The following PIEZO2 variants were observed in gnomAD, a reference collection of about 807,000 sequenced individuals.
PIEZO2 encodes piezo-type mechanosensitive ion channel component 2.
A neutral mutation model predicts 337.3 loss-of-function variants in PIEZO2; 172 were observed. The observed-to-expected ratio is 0.51, with a 90% CI of 0.45 to 0.58. PIEZO2 has a LOEUF of 0.58. Among genes scored for constraint, PIEZO2 ranks in the 20% least tolerant of loss-of-function variants. The pLI is 0.00. For synonymous variants in PIEZO2, 1,251 were observed against 1,228.5 expected (o/e 1.02, Z -0.38); for missense variants, 3,028 against 3,391.3 (o/e 0.89, Z 2.66).
chr18:11,008,296 G>T, intron 2 of PIEZO2, among the ~76,000 whole-genome samples: 1 of 152,190 alleles, frequency 6.6e-6, no homozygotes. Flanking sequence ...CAAGATGCTT[G>T]TCTCTGCATT....
chr18:10,990,688 A>T (rs1490887144), intron 2 of PIEZO2, among the ~76,000 whole-genome samples: 1 of 151,282 alleles, frequency 6.6e-6, no homozygotes, highest in Non-Finnish European at 1.5e-5. Flanking sequence ...ATATTATATA[A>T]TTTTATATTT....
In PIEZO2 at chr18:10,870,244, GC is replaced by G. The variant is rs2144781903; in HGVS notation, c.492+1008del. Among the ~76,000 whole-genome samples, 1 of 152,178 alleles carries G rather than the reference GC, an allele frequency of 6.6e-6. No homozygotes were observed. The highest frequency in any genetic ancestry group is 6.5e-5 in the Admixed American group (1 of 15,280). ...CCCTCCTTTATTGTTTTTTAAATAAGCATACAAGGAAATTGTCTGCTTTCTT... is the reference window on the plus strand; with the variant it reads ...CCCTCCTTTATTGTTTTTTAAATAAGATACAAGGAAATTGTCTGCTTTCTT... On this transcript the variant is annotated intron_variant, in intron 5 of 55. Transcript: ENST00000674853. This position sits in a 1 kb window ranked among gnomAD's most constrained non-coding sequence, Gnocchi z 5.3.
intron 2 of PIEZO2, among the ~76,000 whole-genome samples, chr18:11,000,852 G>A (rs1484549532): frequency 6.6e-6 from 1 of 152,124 alleles, no homozygotes; most frequent in Non-Finnish European, 1.5e-5. Context: ...TGAGGCAGTG[G>A]CAGCAGAGCC....
intron 39 of PIEZO2, among the ~76,000 whole-genome samples, chr18:10,710,520 C>A (rs1193671819): frequency 6.6e-6 from 1 of 152,192 alleles, no homozygotes; most frequent in East Asian, 1.9e-4. Context: ...TATAAAGCAA[C>A]CATTAAAAAA....
rs571662787 is a variant in PIEZO2, at chr18:11,043,085, T to C, written c.160+23042A>G. 2.0e-5 allele frequency among the ~76,000 whole-genome samples: 3 copies of C among 152,322 alleles called. No individual in the cohort carries two copies. In the East Asian group the frequency reaches 5.8e-4, roughly 29 times the overall value. On this transcript the variant is annotated intron_variant, in intron 2 of 55. Coordinates refer to ENST00000674853, the MANE Select transcript of PIEZO2 (RefSeq NM_001378183.1). ...ATCAAATTTCTAGTATGTTTTGTTG[T>C]TAACGTATGATGTCTGTATAAATGA...
At chr18:10,939,871 ATATGTATACT>A (rs2032627061) in intron 3 of PIEZO2, among the ~76,000 whole-genome samples, 3 of 152,162 alleles carry the variant, frequency 2.0e-5, no homozygotes, top group South Asian at 4.1e-4. Context: ...CCACCACGGC[ATATGTATACT>A]TATGTAACAA....
In PIEZO2 at chr18:10,759,511, A is replaced by T; in HGVS notation, c.3728T>A (p.Ile1243Asn). The change falls in exon 26 of 56, where the codon ATT (isoleucine) becomes AAT (asparagine). Residue 1243 changes from isoleucine (I) to asparagine (N), a missense_variant. Ile to Asn is a moderately radical substitution (Grantham distance 149). Around this residue, in one of 5 missense-constraint regions of PIEZO2, gnomAD observed 1,925 missense variants for 2,051.9 expected, o/e 0.94. Coordinates refer to ENST00000674853, the MANE Select transcript of PIEZO2 (RefSeq NM_001378183.1). This position sits in a 1 kb window ranked among gnomAD's most constrained non-coding sequence, Gnocchi z 5.5. ...GAGAAACACAGGGTTGGGCCGCACA[A>T]TGAAATCTGGGAAGTACAGCCACTT... is the stretch of plus-strand genomic sequence containing the variant. ...IIKWLYFPDF[I>N]VRPNPVFLVY... The T allele has an allele frequency of 6.5e-7, 1 of 1,537,162 alleles. No homozygotes were observed. Among genetic ancestry groups the T allele is most frequent in the Non-Finnish European group, 8.7e-7 (1 of 1,146,902 alleles).
rs1430436547 is a variant in PIEZO2 at position 11,078,941 on chromosome 18, T to G, written c.65-12719A>C. ...AGGCTGCCTCAGCCTTCTGCTCTAT[T>G]ACCCTTCTTTTCAGTCTACACCACA... On this transcript the variant is annotated intron_variant, in intron 1 of 55. Coordinates refer to ENST00000674853, the MANE Select transcript of PIEZO2 (RefSeq NM_001378183.1). This position sits in a 1 kb window ranked among gnomAD's most constrained non-coding sequence, Gnocchi z 5.3. 1.3e-5 allele frequency among the ~76,000 whole-genome samples: 2 copies of G among 152,238 alleles called. No individual in the cohort carries two copies. The highest frequency in any genetic ancestry group is 2.9e-5 in the Non-Finnish European group (2 of 68,036).
chr18:10,731,552 C>A, intron 35 of PIEZO2, 31 bp from the exon 36 acceptor site: 1 of 1,404,858 alleles, frequency 7.1e-7, no homozygotes, highest in Non-Finnish European at 9.4e-7. Context: ...TATTTTCTGG[C>A]CTTTTAATAA....
In PIEZO2 at chr18:10,676,827, T is replaced by C. The variant is rs1158089083; in HGVS notation, c.8081+920A>G. On this transcript the variant is annotated intron_variant, in intron 53 of 55. Transcript: ENST00000674853. The surrounding 1 kb of genome is among the most constrained non-coding windows in gnomAD (Gnocchi z 5.1). ...GGTACCCACGATCGGGTGGCAGACA[T>C]GAATGACAAGAGGCCTGAATCATTT... 6.6e-6 allele frequency among the ~76,000 whole-genome samples: 1 copy of C among 152,208 alleles called. No homozygotes were observed. Among genetic ancestry groups the C allele is most frequent in the Non-Finnish European group, 1.5e-5 (1 of 68,040 alleles).
rs572094681 is a variant in PIEZO2, at chr18:11,084,380, T to A, written c.65-18158A>T. On this transcript the variant is annotated intron_variant, in intron 1 of 55. Coordinates refer to ENST00000674853, the MANE Select transcript of PIEZO2 (RefSeq NM_001378183.1). ...GCTACAAGCCCTTCTTTCAGGTGAG[T>A]TCCAGTACAGTCCTGTGAAGTACGA... Among the ~76,000 whole-genome samples, 8 of 152,260 alleles carry A rather than the reference T, an allele frequency of 5.3e-5. No homozygotes were observed. In the South Asian group the frequency reaches 1.7e-3, roughly 32 times the overall value.
At chr18:11,089,125 G>A (rs2038994043) in intron 1 of PIEZO2, among the ~76,000 whole-genome samples, 1 of 152,070 alleles carries the variant, frequency 6.6e-6, no homozygotes, top group Admixed American at 6.6e-5. Context: ...AATCTTTGGG[G>A]CGGTCCCCTC....
intron 1 of PIEZO2, among the ~76,000 whole-genome samples, chr18:11,075,906 A>T (rs1410982669): frequency 6.8e-6 from 1 of 148,088 alleles, no homozygotes; most frequent in African/African-American, 2.5e-5. Flanking sequence ...CTCCTGCCTC[A>T]GCCTCCCGAG....
At chr18:11,137,437 A>C (rs1320396979) in intron 1 of PIEZO2, among the ~76,000 whole-genome samples, 1 of 152,224 alleles carries the variant, frequency 6.6e-6, no homozygotes, top group Non-Finnish European at 1.5e-5. Context: ...GAGAATTGTG[A>C]AAATATTTCT....
intron 39 of PIEZO2, among the ~76,000 whole-genome samples, chr18:10,712,442 C>T (rs1245649219): frequency 1.3e-5 from 2 of 152,238 alleles, no homozygotes; most frequent in South Asian, 2.1e-4. Flanking sequence ...GATAGGGAGA[C>T]GATTGTTGCA....
At chr18:10,892,234 C>A (rs1361268636) in intron 4 of PIEZO2, among the ~76,000 whole-genome samples, 2 of 152,244 alleles carry the variant, frequency 1.3e-5, no homozygotes, top group East Asian at 1.9e-4. Context: ...AGGGAATTAT[C>A]ACAATGTACC....
intron 36 of PIEZO2, among the ~76,000 whole-genome samples, chr18:10,731,061 G>A (rs957961924): frequency 6.6e-6 from 1 of 151,638 alleles, no homozygotes; most frequent in African/African-American, 2.4e-5. Context: ...AACTTGATCA[G>A]GTCATGTCCT....
intron 4 of PIEZO2, chr18:10,908,891 T>C (rs1568187954): frequency 6.6e-6 from 1 of 152,264 alleles, no homozygotes; most frequent in Non-Finnish European, 1.5e-5. Flanking sequence ...ACTGTCTGGG[T>C]AGCCTGTGCA....
rs1232326632 is a variant in PIEZO2 at position 11,080,481 on chromosome 18, A to G, written c.65-14259T>C. On this transcript the variant is annotated intron_variant, in intron 1 of 55. Coordinates refer to ENST00000674853, the MANE Select transcript of PIEZO2 (RefSeq NM_001378183.1). This position sits in a 1 kb window ranked among gnomAD's most constrained non-coding sequence, Gnocchi z 5.4. ...CAGAGAACCTAGCATAGTGCCTTGC[A>G]CATAATAAGCCTGTGATGATAGTGC... 1.3e-5 allele frequency among the ~76,000 whole-genome samples: 2 copies of G among 152,190 alleles called. No homozygotes were observed. Among genetic ancestry groups the G allele is most frequent in the Non-Finnish European group, 2.9e-5 (2 of 68,032 alleles).
Sources: allele counts gnomAD v4.1 joint callset (sites outside exome capture counted in the v4.1 genomes callset), GRCh38; gene constraint gnomAD v4.1.1; regional missense constraint gnomAD v4.1.1; non-coding constraint Gnocchi (gnomAD v3.1); transcripts MANE v1.5; gene names NCBI Gene and HGNC (gene_info 2026-07-23, HGNC 2026-07-21).